ARMH4: variants seen among roughly 807,000 people sequenced by gnomAD.
ARMH4 encodes armadillo like helical domain containing 4.
ARMH4 carries 49 observed loss-of-function variants against 61.9 expected under a neutral mutation model. The ratio of observed to expected loss-of-function variants is 0.79; its 90% CI spans 0.63 to 1.00. The LOEUF is 1.00. ARMH4 is among the 50% of genes least tolerant of loss of function. The probability of loss-of-function intolerance (pLI) is 0.00; values close to 1 mark genes in which losing one functional copy is unlikely to be tolerated. For synonymous variants in ARMH4, 368 were observed against 341.5 expected, an observed-to-expected ratio of 1.08 and a Z score of -0.85; for missense variants, 934 against 930.0, an observed-to-expected ratio of 1.00 and a Z score of -0.06.
chr14:58,021,471 T>C (rs1266347036), intron 5 of ARMH4, among the ~76,000 whole-genome samples: 1 of 152,194 alleles, frequency 6.6e-6, no homozygotes, highest in Admixed American at 6.5e-5. Context: ...ATTAAACCTC[T>C]TTTTCTTTGT....
chr14:58,113,344 A>C (rs1886415324), intron 4 of ARMH4, among the ~76,000 whole-genome samples: 1 of 152,108 alleles, frequency 6.6e-6, no homozygotes, highest in Non-Finnish European at 1.5e-5. Flanking sequence ...AACATAGCAC[A>C]ATTTATTTGT....
Position 58,131,714 on chromosome 14 carries a change from C to T in ARMH4, c.1629G>A (p.Met543Ile). 1 of 1,612,578 alleles carries T rather than the reference C, an allele frequency of 6.2e-7. No homozygotes were observed. Among genetic ancestry groups the T allele is most frequent in the Non-Finnish European group, 8.5e-7 (1 of 1,179,852 alleles). The change falls in exon 4 of 8, where the codon ATG becomes ATA. Residue 543 changes from methionine to isoleucine, a missense_variant. Coordinates refer to ENST00000267485, the MANE Select transcript of ARMH4 (RefSeq NM_001001872.4). ...CCTCATTTGGCCCTGTGACTGTGTC[C>T]ATTTGTTCTGCCAAACACAACAGAC... The part of the protein sequence containing the change: ...FEVTPTVEEQ[M>I]DTVTGPNEEF...
intron 4 of ARMH4, among the ~76,000 whole-genome samples, chr14:58,107,320 TAG>T (rs1031533557): frequency 3.9e-5 from 6 of 152,224 alleles, no homozygotes; most frequent in Non-Finnish European, 7.3e-5. Flanking sequence ...TCAAGGAGAA[TAG>T]AGTCTCACCT....
At chr14:58,019,721 G>A (rs1882745499) in intron 5 of ARMH4, among the ~76,000 whole-genome samples, 1 of 152,252 alleles carries the variant, frequency 6.6e-6, no homozygotes, top group African/African-American at 2.4e-5. Flanking sequence ...AACCCAGGAG[G>A]TGGAGGTTGC....
intron 5 of ARMH4, among the ~76,000 whole-genome samples, chr14:58,020,396 C>A (rs1215731971): frequency 6.6e-6 from 1 of 152,124 alleles, no homozygotes. Flanking sequence ...GACAAATGTG[C>A]TTCTCTTTCT....
intron 4 of ARMH4, among the ~76,000 whole-genome samples, chr14:58,108,690 A>G (rs529938560): frequency 3.3e-5 from 5 of 152,330 alleles, no homozygotes; most frequent in African/African-American, 1.2e-4. Context: ...TGTTATGAAT[A>G]GTGCTGCTTG....
At chr14:58,086,873 A>T (rs1885401521) in intron 5 of ARMH4, among the ~76,000 whole-genome samples, 1 of 152,182 alleles carries the variant, frequency 6.6e-6, no homozygotes, top group Non-Finnish European at 1.5e-5. Flanking sequence ...AGACACATGG[A>T]AAGGGGAGAC....
intron 4 of ARMH4, among the ~76,000 whole-genome samples, chr14:58,124,286 TTA>T (rs1179725928): frequency 1.3e-5 from 2 of 152,320 alleles, no homozygotes; most frequent in East Asian, 1.9e-4. Context: ...AGACTTTTCT[TTA>T]TATGTCATAG....
chr14:58,142,395 C>G (rs1887594191), intron 1 of ARMH4, among the ~76,000 whole-genome samples: 1 of 152,188 alleles, frequency 6.6e-6, no homozygotes, highest in Non-Finnish European at 1.5e-5. Flanking sequence ...AGGACATGAT[C>G]TACATGGCTG....
At chr14:58,136,516 A>C (rs1173781369) in intron 2 of ARMH4, among the ~76,000 whole-genome samples, 4 of 152,204 alleles carry the variant, frequency 2.6e-5, no homozygotes, top group Admixed American at 6.5e-5. Flanking sequence ...TGGGTCTTTA[A>C]ACAAAAATGA....
At chr14:58,059,336 AT>A (rs1884455349) in intron 5 of ARMH4, among the ~76,000 whole-genome samples, 1 of 152,248 alleles carries the variant, frequency 6.6e-6, no homozygotes, top group Non-Finnish European at 1.5e-5. Context: ...GACCTGAGGA[AT>A]GCCAGATTCA....
At chr14:58,133,735 C>G (rs1303227772) in intron 2 of ARMH4, among the ~76,000 whole-genome samples, 2 of 152,136 alleles carry the variant, frequency 1.3e-5, no homozygotes, top group Non-Finnish European at 2.9e-5. Flanking sequence ...TTAATTTTCA[C>G]ATTTGCATTT....
intron 5 of ARMH4, among the ~76,000 whole-genome samples, chr14:58,054,494 G>C (rs1884254101): frequency 1.3e-5 from 2 of 152,112 alleles, no homozygotes; most frequent in Admixed American, 1.3e-4. Context: ...GCAATTATGT[G>C]GTAATGTCAC....
At chr14:58,106,766 A>C (rs1886178792) in intron 4 of ARMH4, among the ~76,000 whole-genome samples, 1 of 151,838 alleles carries the variant, frequency 6.6e-6, no homozygotes, top group South Asian at 2.1e-4. Context: ...AACAAGTTTT[A>C]TAAGTTTTGT....
chr14:58,148,425 C>A (rs1458446782), intron 1 of ARMH4, among the ~76,000 whole-genome samples: 9 of 152,200 alleles, frequency 5.9e-5, no homozygotes, highest in Admixed American at 5.9e-4. Context: ...CCTCCCAGGT[C>A]ACATCCCATT....
At chr14:58,103,754 C>CATTA (rs1447556959) in intron 4 of ARMH4, among the ~76,000 whole-genome samples, 1 of 152,022 alleles carries the variant, frequency 6.6e-6, no homozygotes, top group Non-Finnish European at 1.5e-5. Context: ...TGTCTGACCC[C>CATTA]ATTTATTTAT....
chr14:58,088,792 T>G (rs1219030366), intron 5 of ARMH4, among the ~76,000 whole-genome samples: 4 of 149,366 alleles, frequency 2.7e-5, no homozygotes, highest in Non-Finnish European at 5.9e-5. Context: ...AAGCTGAGGG[T>G]TTTTTTTAAG....
At chr14:58,122,783 C>A (rs1886770714) in intron 4 of ARMH4, among the ~76,000 whole-genome samples, 1 of 152,176 alleles carries the variant, frequency 6.6e-6, no homozygotes, top group Non-Finnish European at 1.5e-5. Context: ...AAGTAAGCCG[C>A]CCCCTTGTCC....
intron 5 of ARMH4, among the ~76,000 whole-genome samples, chr14:58,084,595 C>A (rs367976451): frequency 2.0e-5 from 3 of 152,298 alleles, no homozygotes; most frequent in Admixed American, 6.5e-5. Context: ...CTGTTCCAAA[C>A]AGTCACTATC....
Sources: allele counts gnomAD v4.1 joint callset (sites outside exome capture counted in the v4.1 genomes callset), GRCh38; gene constraint gnomAD v4.1.1; transcripts MANE v1.5; gene names NCBI Gene and HGNC (gene_info 2026-07-23, HGNC 2026-07-21).